GRM5: variants seen among roughly 807,000 people sequenced by gnomAD.
GRM5 encodes glutamate metabotropic receptor 5, also known as metabotropic glutamate receptor 5.
In GRM5, 19 loss-of-function variants were observed where a neutral mutation model predicts 83.1. The ratio of observed to expected loss-of-function variants is 0.23; its 90% CI spans 0.16 to 0.34. The LOEUF (loss-of-function observed/expected upper bound fraction) is 0.34, where lower values mean the gene tolerates loss of function less well. GRM5 is among the 10% of genes least tolerant of loss of function. The pLI, the probability that GRM5 is intolerant of heterozygous loss-of-function variation, is 1.00. For synonymous variants in GRM5, 675 were observed against 633.6 expected (o/e 1.07, Z -0.98); for missense variants, 1,160 against 1,588.3 (o/e 0.73, Z 4.58).
intron 4 of GRM5, among the ~76,000 whole-genome samples, chr11:88,644,595 T>C (rs956275637): frequency 6.6e-6 from 1 of 152,186 alleles, no homozygotes; most frequent in Non-Finnish European, 1.5e-5. Flanking sequence ...GATGGTATCA[T>C]TTTTCTTTCT....
chr11:88,684,829 C>T (rs1940579064), intron 3 of GRM5, among the ~76,000 whole-genome samples: 1 of 152,172 alleles, frequency 6.6e-6, no homozygotes, highest in African/African-American at 2.4e-5. Context: ...TTGTGGCTGC[C>T]ATGTAAGAAG....
At chr11:88,828,451 C>T (rs955486022) in intron 3 of GRM5, among the ~76,000 whole-genome samples, 3 of 151,882 alleles carry the variant, frequency 2.0e-5, no homozygotes, top group Admixed American at 1.3e-4. Context: ...AAAGTGTTTA[C>T]TTGGAACTGG....
intron 4 of GRM5, among the ~76,000 whole-genome samples, chr11:88,636,730 A>G (rs1341132185): frequency 6.6e-6 from 1 of 152,212 alleles, no homozygotes. Context: ...GTTTTTGTAT[A>G]AGGTGTAAGG....
intron 8 of GRM5, among the ~76,000 whole-genome samples, chr11:88,546,602 C>A (rs1196038482): frequency 2.6e-5 from 4 of 151,972 alleles, no homozygotes; most frequent in Admixed American, 6.6e-5. Context: ...TGTTCATAGC[C>A]ATTTCAGTGA....
At position 88,652,899 on chromosome 11, in the gene GRM5, T is replaced by G. The variant is rs1340790307; in HGVS notation, c.1147+269A>C. Among the ~76,000 whole-genome samples the G allele has an allele frequency of 2.6e-5, 4 of 152,150 alleles. No homozygotes were observed. In the East Asian group the frequency reaches 5.8e-4, roughly 22 times the overall value. ...CCATTCTGGAGCTCATGTGATGTTTTTAGCACAATGCCTTATGGAAATACA... is the reference window on the plus strand; with the variant it reads ...CCATTCTGGAGCTCATGTGATGTTTGTAGCACAATGCCTTATGGAAATACA... On this transcript the variant is annotated intron_variant, in intron 4 of 9. Transcript: ENST00000305447.
intron 2 of GRM5, among the ~76,000 whole-genome samples, chr11:88,889,108 C>G (rs1421934935): frequency 6.6e-6 from 1 of 152,148 alleles, no homozygotes; most frequent in African/African-American, 2.4e-5. Context: ...TACAAAATAT[C>G]TTAAGCACTA....
intron 2 of GRM5, among the ~76,000 whole-genome samples, chr11:88,988,022 C>T (rs1347022678): frequency 2.6e-4 from 39 of 151,550 alleles, no homozygotes; most frequent in African/African-American, 8.5e-4. Context: ...ACGACTTTGA[C>T]GAGCTGAGAG....
chr11:88,915,581 C>A (rs962935928), intron 2 of GRM5, among the ~76,000 whole-genome samples: 6 of 151,870 alleles, frequency 4.0e-5, no homozygotes, highest in African/African-American at 9.7e-5. Context: ...ATTATCTAAT[C>A]AAAAATATAT....
In GRM5 at chr11:88,762,679, G is replaced by T. The variant is rs540721451; in HGVS notation, c.911+87227C>A. ...TTTGACCAAGCAATTTCATTACTTGGTATATATTCAAATGAATATAAATTG... is the reference window on the plus strand; with the variant it reads ...TTTGACCAAGCAATTTCATTACTTGTTATATATTCAAATGAATATAAATTG... On this transcript the variant is annotated intron_variant, in intron 3 of 9. Transcript: ENST00000305447. Among the ~76,000 whole-genome samples, 4 of 152,052 alleles carry T rather than the reference G, an allele frequency of 2.6e-5. No individual in the cohort carries two copies. In the South Asian group the frequency reaches 8.3e-4, roughly 32 times the overall value.
chr11:88,966,056 C>T (rs1308537951), intron 2 of GRM5, among the ~76,000 whole-genome samples: 3 of 151,960 alleles, frequency 2.0e-5, no homozygotes, highest in Non-Finnish European at 4.4e-5. Flanking sequence ...GTATATTAGA[C>T]CGTAACATAA....
intron 2 of GRM5, among the ~76,000 whole-genome samples, chr11:89,009,511 A>C (rs1264980076): frequency 6.6e-5 from 10 of 152,202 alleles, no homozygotes; most frequent in Non-Finnish European, 2.9e-5. Flanking sequence ...CATTATATTC[A>C]TTAAGTAATA....
intron 2 of GRM5, among the ~76,000 whole-genome samples, chr11:88,942,105 T>A (rs1227907101): frequency 6.6e-6 from 1 of 151,990 alleles, no homozygotes; most frequent in South Asian, 2.1e-4. Flanking sequence ...ATAAAGGACA[T>A]CTTTTAGATA....
intron 2 of GRM5, among the ~76,000 whole-genome samples, chr11:88,934,407 A>G (rs1937823043): frequency 1.3e-5 from 2 of 151,884 alleles, no homozygotes; most frequent in Non-Finnish European, 2.9e-5. Context: ...ATTTTTCAGG[A>G]AAATACAAAT....
rs191836968 is a variant in GRM5 at position 88,846,710 on chromosome 11, T to C, written c.911+3196A>G. On this transcript the variant is annotated intron_variant, in intron 3 of 9. Transcript: ENST00000305447. ...TTTTCCACATAGCTTTGACTTCTAG[T>C]TCCTAAAGCCATTCATTCAAGTTGA... 3.9e-3 allele frequency among the ~76,000 whole-genome samples: 589 copies of C among 152,034 alleles called. 13 individuals carry two copies. Among genetic ancestry groups the C allele is most frequent in the African/African-American group, 0.014 (568 of 41,442 alleles).
chr11:89,038,755 A>G (rs112390659), intron 2 of GRM5, among the ~76,000 whole-genome samples: 259 of 152,350 alleles, frequency 1.7e-3, no homozygotes, highest in African/African-American at 6.1e-3. Flanking sequence ...AAAAAGAACC[A>G]GGTGATGTCC....
chr11:88,504,912 A>G lies in GRM5; in HGVS notation c.*3680T>C, dbSNP rs193229181. ...AGTACAAGCACTTTTAGCCCACACA[A>G]ATCTTTTAGGATTGGCACCATCTTT... On this transcript the variant is annotated 3_prime_UTR_variant, in exon 10 of 10. Transcript: ENST00000305447. 1 of 152,292 alleles carries G rather than the reference A, an allele frequency of 6.6e-6. No individual in the cohort carries two copies. The highest frequency in any genetic ancestry group is 1.9e-4 in the East Asian group (1 of 5,190). 9.4% of individuals were successfully genotyped at this position (152,292 alleles called of 1,614,324 possible). A position where few individuals can be genotyped will look rare whatever the true frequency, so the allele number is the denominator to read the frequency against.
At chr11:88,678,545 CTCT>C (rs1283332539) in intron 3 of GRM5, among the ~76,000 whole-genome samples, 1 of 152,106 alleles carries the variant, frequency 6.6e-6, no homozygotes, top group Non-Finnish European at 1.5e-5. Context: ...ATTCTTTCAT[CTCT>C]TCAACTGCAT....
chr11:88,510,509 G>T (rs998327998), intron 9 of GRM5, among the ~76,000 whole-genome samples: 1 of 76,274 alleles, frequency 1.3e-5, no homozygotes, highest in Non-Finnish European at 2.7e-5. Context: ...TGACACTCAA[G>T]ATTTTTTTTT....
chr11:88,839,211 A>C (rs374651672), intron 3 of GRM5, among the ~76,000 whole-genome samples: 1 of 152,206 alleles, frequency 6.6e-6, no homozygotes, highest in Non-Finnish European at 1.5e-5. Flanking sequence ...CAAGATACAG[A>C]TACTATATAT....
Sources: gnomAD v4.1 joint callset for allele counts (sites outside exome capture counted in the v4.1 genomes callset) on GRCh38, gnomAD v4.1.1 for gene constraint, MANE v1.5 for transcripts, NCBI Gene and HGNC (gene_info 2026-07-23, HGNC 2026-07-21) for gene names.